Variants in EPB41L4A observed in about 807,000 individuals in gnomAD.
The protein encoded by EPB41L4A is band 4.1-like protein 4A.
EPB41L4A carries 100 observed loss-of-function variants against 108.6 expected under a neutral mutation model. The ratio of observed to expected loss-of-function variants is 0.92; its 90% CI spans 0.78 to 1.09. The LOEUF is 1.09. EPB41L4A is among the 50% of genes least tolerant of loss of function. The pLI, the probability that EPB41L4A is intolerant of heterozygous loss-of-function variation, is 0.00. For synonymous variants in EPB41L4A, 319 were observed against 289.0 expected (o/e 1.10, Z -1.05); for missense variants, 1,030 against 842.7 (o/e 1.22, Z -2.75).
At chr5:112,189,005 A>G (rs1761558121) in intron 17 of EPB41L4A, among the ~76,000 whole-genome samples, 1 of 152,244 alleles carries the variant, frequency 6.6e-6, no homozygotes, top group Admixed American at 6.5e-5. Context: ...AACAATATAA[A>G]AGACCTTATG....
rs144742638 is a variant in EPB41L4A, at chr5:112,408,111, T to C, written c.99+10830A>G. On this transcript the variant is annotated intron_variant, in intron 1 of 22. Transcript: ENST00000261486. ...GAGCCCAGAGTTAACTCCTCACATT[T>C]ATTTTTAATTGATTTTTTTTATAAG... is the stretch of plus-strand genomic sequence containing the variant. Among the ~76,000 whole-genome samples, 3 of 152,342 alleles carry C rather than the reference T, an allele frequency of 2.0e-5. No homozygotes were observed. In the Middle Eastern group the frequency reaches 0.01, roughly 518 times the overall value.
intron 12 of EPB41L4A, among the ~76,000 whole-genome samples, chr5:112,233,412 C>T (rs1018041785): frequency 3.3e-5 from 5 of 152,182 alleles, no homozygotes; most frequent in African/African-American, 1.2e-4. Context: ...TGTGTCTACA[C>T]ACATATGTAT....
intron 17 of EPB41L4A, among the ~76,000 whole-genome samples, chr5:112,192,812 C>A (rs904059355): frequency 6.6e-6 from 1 of 152,170 alleles, no homozygotes; most frequent in Non-Finnish European, 1.5e-5. Flanking sequence ...GGGCCACCTT[C>A]TGAACAGTTG....
intron 15 of EPB41L4A, 98 bp from the exon 16 acceptor site, chr5:112,195,806 G>T: frequency 9.6e-7 from 1 of 1,039,950 alleles, no homozygotes; most frequent in Non-Finnish European, 1.5e-6. Context: ...ACACATATTT[G>T]TCATACATTC....
intron 9 of EPB41L4A, among the ~76,000 whole-genome samples, chr5:112,252,483 T>G (rs1750750181): frequency 6.6e-6 from 1 of 152,096 alleles, no homozygotes; most frequent in Non-Finnish European, 1.5e-5. Context: ...AAGGAAGATA[T>G]TAGCCCTAAA....
intron 11 of EPB41L4A, among the ~76,000 whole-genome samples, chr5:112,237,805 A>C (rs984500395): frequency 3.9e-5 from 6 of 152,126 alleles, no homozygotes; most frequent in African/African-American, 1.4e-4. Flanking sequence ...TCTTTCTTCC[A>C]AGGATGGTGT....
chr5:112,204,547 C>A (rs1387037298), intron 14 of EPB41L4A, 59 bp from the exon 15 acceptor site: 3 of 1,112,660 alleles, frequency 2.7e-6, no homozygotes, highest in South Asian at 1.2e-5. Context: ...GAAAACACAC[C>A]GCAGCCCAGA....
intron 1 of EPB41L4A, among the ~76,000 whole-genome samples, chr5:112,355,970 C>G (rs976039003): frequency 6.6e-6 from 1 of 152,082 alleles, no homozygotes; most frequent in African/African-American, 2.4e-5. Context: ...GTCCACGAAC[C>G]CCTCTTATGG....
At chr5:112,313,675 G>A (rs1755195635) in intron 1 of EPB41L4A, among the ~76,000 whole-genome samples, 2 of 151,986 alleles carry the variant, frequency 1.3e-5, no homozygotes. Flanking sequence ...AAGGCAACCA[G>A]GCAGAAATTA....
At chr5:112,158,896 C>G (rs1279078348), downstream of EPB41L4A, among the ~76,000 whole-genome samples, 2 of 152,182 alleles carry the variant, frequency 1.3e-5, no homozygotes, top group Non-Finnish European at 2.9e-5. Flanking sequence ...CACTGACTTT[C>G]CCTAGCAAGA....
chr5:112,187,894 C>G (rs1255452159), intron 17 of EPB41L4A, among the ~76,000 whole-genome samples: 1 of 152,182 alleles, frequency 6.6e-6, no homozygotes, highest in African/African-American at 2.4e-5. Flanking sequence ...TCTCCATTCC[C>G]AGCTCTGCCA....
chr5:112,396,326 AG>A (rs772404623), intron 1 of EPB41L4A, among the ~76,000 whole-genome samples: 4 of 152,230 alleles, frequency 2.6e-5, no homozygotes, highest in Non-Finnish European at 5.9e-5. Context: ...TTCAATATGC[AG>A]TTTCTTCCAG....
chr5:112,338,412 C>G (rs1436203553), intron 1 of EPB41L4A, among the ~76,000 whole-genome samples: 1 of 152,170 alleles, frequency 6.6e-6, no homozygotes, highest in African/African-American at 2.4e-5. Flanking sequence ...CCTGCTCCGG[C>G]TCTCTCCAGC....
Position 112,266,296 on chromosome 5 carries a change from G to A in EPB41L4A, c.370C>T (p.Leu124Phe), listed in dbSNP as rs1389356816. Residue 124 changes from leucine (L) to phenylalanine (F), a missense_variant, in exon 5 of 23, where the codon CTT (leucine) becomes TTT (phenylalanine). Leu to Phe is a conservative substitution (Grantham distance 22, BLOSUM62 0). Coordinates refer to ENST00000261486, the MANE Select transcript of EPB41L4A (RefSeq NM_022140.5). Reference sequence around the variant, plus strand: ...ACGGGACAGGGCAGACGGCCCTGAAGGACATCTTGCTTCACCTGCAAGAAA... The same window carrying A: ...ACGGGACAGGGCAGACGGCCCTGAAAGACATCTTGCTTCACCTGCAAGAAA... Reference protein sequence around the residue: ...QFFLQVKQDVLQGRLPCPVNT... With the variant: ...QFFLQVKQDVFQGRLPCPVNT... The A allele has an allele frequency of 6.2e-7, 1 of 1,609,214 alleles. No homozygotes were observed. The highest frequency in any genetic ancestry group is 1.3e-5 in the African/African-American group (1 of 74,948).
rs117542068 is a variant in EPB41L4A, at chr5:112,198,166, C to G, written c.1377-2458G>C. 2.2e-4 allele frequency among the ~76,000 whole-genome samples: 34 copies of G among 152,200 alleles called. 1 individual carries two copies. The East Asian group carries it at 6.4e-3, about 29-fold the overall frequency. On this transcript the variant is annotated intron_variant, in intron 15 of 22. Transcript: ENST00000261486. ...TTCCTGCCTCAGCCTCCACCAGTAGCTGGGATTACAGGCATGCACCACCAC... is the reference window on the plus strand; with the variant it reads ...TTCCTGCCTCAGCCTCCACCAGTAGGTGGGATTACAGGCATGCACCACCAC...
intron 12 of EPB41L4A, 60 bp downstream of exon 12, chr5:112,234,574 A>G: frequency 6.4e-7 from 1 of 1,560,074 alleles, no homozygotes. Flanking sequence ...AGTATATCTT[A>G]CACTACCAGC....
chr5:112,307,764 A>G (rs931946907), intron 1 of EPB41L4A, among the ~76,000 whole-genome samples: 2 of 152,192 alleles, frequency 1.3e-5, no homozygotes, highest in African/African-American at 4.8e-5. Context: ...AATTATCTTC[A>G]GGACAAAATT....
intron 12 of EPB41L4A, among the ~76,000 whole-genome samples, chr5:112,220,224 T>C (rs1239064490): frequency 6.6e-6 from 1 of 152,224 alleles, no homozygotes; most frequent in East Asian, 1.9e-4. Flanking sequence ...AAAGAACTTC[T>C]AAGGAGTTAG....
rs771478027 is a variant in EPB41L4A, at chr5:112,168,723, C to CCTTA, written c.1932+12_1932+15dup. ...TCATCAATACAACACCTTCTTCAAA[C>CCTTA]CTTACTATTACTAACCTGATGAACT... On this transcript the variant is annotated intron_variant, in intron 22 of 22. Coordinates refer to ENST00000261486, the MANE Select transcript of EPB41L4A (RefSeq NM_022140.5). 6.2e-7 allele frequency: 1 copy of CCTTA among 1,604,844 alleles called. No individual in the cohort carries two copies. The highest frequency in any genetic ancestry group is 1.1e-5 in the South Asian group (1 of 90,792).
Sources: gnomAD v4.1 joint callset for allele counts (sites outside exome capture counted in the v4.1 genomes callset) on GRCh38, gnomAD v4.1.1 for gene constraint, MANE v1.5 for transcripts, NCBI Gene and HGNC (gene_info 2026-07-23, HGNC 2026-07-21) for gene names.